Variants in SPON1 observed in about 807,000 individuals in gnomAD.
SPON1 encodes spondin-1.
In SPON1, 52 loss-of-function variants were observed where a neutral mutation model predicts 111.7. The observed-to-expected ratio is 0.47, with a 90% CI of 0.37 to 0.59. The LOEUF is 0.59. Among genes scored for constraint, SPON1 ranks in the 20% least tolerant of loss-of-function variants. SPON1 has a pLI of 0.00. For missense variants in SPON1, 957 were observed against 1,068.5 expected (o/e 0.90, Z 1.46); for synonymous variants, 410 against 395.8 (o/e 1.04, Z -0.43).
chr11:14,072,337 C>G (rs1379568912), intron 3 of SPON1, among the ~76,000 whole-genome samples: 3 of 152,096 alleles, frequency 2.0e-5, no homozygotes, highest in Non-Finnish European at 4.4e-5. Flanking sequence ...TTTTTCATCT[C>G]TAGTCCCCCA....
chr11:14,264,075 A>G (rs1554942187), intron 15 of SPON1, among the ~76,000 whole-genome samples: 1 of 152,106 alleles, frequency 6.6e-6, no homozygotes, highest in African/African-American at 2.4e-5. Context: ...GGCAGCAAGA[A>G]TAGTCATTAC....
Position 14,259,715 on chromosome 11 carries a change from G to A in SPON1, c.1831+14G>A, listed in dbSNP as rs782527574. On this transcript the variant is annotated intron_variant, in intron 13 of 15. Transcript: ENST00000576479. This position sits in a 1 kb window ranked among gnomAD's most constrained non-coding sequence, Gnocchi z 5.0. ...TGCCAGAGTGCCGTGAGTGAGAGCG[G>A]GGGTGGACTTGGAGGAGGCCACTGG... is the stretch of plus-strand genomic sequence containing the variant. 25 of 1,565,710 alleles carry A rather than the reference G, an allele frequency of 1.6e-5. No individual in the cohort carries two copies. Among genetic ancestry groups the A allele is most frequent in the Non-Finnish European group, 2.0e-5 (23 of 1,155,264 alleles).
chr11:14,208,943 A>AT (rs1554936431), intron 6 of SPON1, among the ~76,000 whole-genome samples: 1 of 152,172 alleles, frequency 6.6e-6, no homozygotes, highest in Non-Finnish European at 1.5e-5. Context: ...TCAAAATATC[A>AT]TTTTATATTC....
At chr11:14,160,945 T>TTATATATTTATA (rs1564919794) in intron 6 of SPON1, among the ~76,000 whole-genome samples, 2,262 of 40,192 alleles carry the variant, frequency 0.056, 556 homozygotes, top group Middle Eastern at 0.11. Flanking sequence ...ATATATATAT[T>TTATATATTTATA]TATATATTTA....
chr11:14,104,452 C>T (rs953732709), intron 5 of SPON1, among the ~76,000 whole-genome samples: 1 of 151,758 alleles, frequency 6.6e-6, no homozygotes, highest in Non-Finnish European at 1.5e-5. Flanking sequence ...GATTAGCTGT[C>T]AATTTAAGAT....
intron 6 of SPON1, among the ~76,000 whole-genome samples, chr11:14,226,365 C>T (rs1416456607): frequency 1.3e-5 from 2 of 152,168 alleles, no homozygotes; most frequent in African/African-American, 4.8e-5. Flanking sequence ...TTTTTTAAAA[C>T]ATAATGGGAT....
At chr11:14,253,981 G>A (rs1849079874) in intron 7 of SPON1, among the ~76,000 whole-genome samples, 1 of 152,186 alleles carries the variant, frequency 6.6e-6, no homozygotes, top group African/African-American at 2.4e-5. Context: ...TTGAAGAGCG[G>A]CCTCTGATAG....
intron 6 of SPON1, among the ~76,000 whole-genome samples, chr11:14,160,768 A>ATATT (rs1420099956): frequency 2.1e-5 from 1 of 47,464 alleles, no homozygotes; most frequent in Non-Finnish European, 3.6e-5. Flanking sequence ...ATATTTATAT[A>ATATT]TTTATATATA....
chr11:14,119,112 C>T (rs552385427), intron 5 of SPON1, among the ~76,000 whole-genome samples: 2 of 152,296 alleles, frequency 1.3e-5, no homozygotes, highest in African/African-American at 4.8e-5. Flanking sequence ...GCATCCCTAA[C>T]TGCCTTTTTT....
At chr11:14,147,865 C>T (rs1214217789) in intron 6 of SPON1, among the ~76,000 whole-genome samples, 1 of 150,948 alleles carries the variant, frequency 6.6e-6, no homozygotes, top group Non-Finnish European at 1.5e-5. Context: ...GATCAAAACA[C>T]ATGGACAGGT....
rs184148378 is a variant in SPON1, at chr11:14,177,101, C to T, written c.825+41533C>T. 5.7e-3 allele frequency among the ~76,000 whole-genome samples: 873 copies of T among 152,198 alleles called. 8 individuals are homozygous for T. The highest frequency in any genetic ancestry group is 0.02 in the African/African-American group (813 of 41,526). On this transcript the variant is annotated intron_variant, in intron 6 of 15. Transcript: ENST00000576479. ...TGTCACCCAGGCTGGAGTGCAGTGG[C>T]GCCATCTCAGCTCACTGCAAGCTCC...
At chr11:14,153,931 G>C (rs113090316) in intron 6 of SPON1, among the ~76,000 whole-genome samples, 1 of 152,282 alleles carries the variant, frequency 6.6e-6, no homozygotes, top group East Asian at 1.9e-4. Context: ...ACCCAACAGG[G>C]CAGTCATTAA....
At chr11:13,998,882 T>A (rs1404962999) in intron 2 of SPON1, among the ~76,000 whole-genome samples, 1 of 152,236 alleles carries the variant, frequency 6.6e-6, no homozygotes, top group African/African-American at 2.4e-5. Context: ...ACTTCTTTAA[T>A]AGACAATACA....
At chr11:14,244,388 C>T (rs1404167650) in intron 7 of SPON1, among the ~76,000 whole-genome samples, 1 of 151,908 alleles carries the variant, frequency 6.6e-6, no homozygotes, top group Non-Finnish European at 1.5e-5. Flanking sequence ...TGTGGTGGCA[C>T]GTGTCTGTAA....
chr11:14,074,259 T>C (rs1170828960), intron 3 of SPON1, among the ~76,000 whole-genome samples: 2 of 152,232 alleles, frequency 1.3e-5, no homozygotes, highest in African/African-American at 4.8e-5. Flanking sequence ...GTCAGAATTG[T>C]ATTATTTTGT....
At chr11:14,208,519 A>C (rs1848539886) in intron 6 of SPON1, among the ~76,000 whole-genome samples, 1 of 152,132 alleles carries the variant, frequency 6.6e-6, no homozygotes, top group Non-Finnish European at 1.5e-5. Flanking sequence ...GATCACTTCC[A>C]TTGTTATTTC....
At chr11:14,187,825 GC>G (rs1848303246) in intron 6 of SPON1, among the ~76,000 whole-genome samples, 1 of 151,390 alleles carries the variant, frequency 6.6e-6, no homozygotes, top group Non-Finnish European at 1.5e-5. Context: ...TGTTGCCCAG[GC>G]CTGGAGTGTA....
chr11:13,968,032 C>T (rs1848032663), intron 1 of SPON1, among the ~76,000 whole-genome samples: 1 of 152,218 alleles, frequency 6.6e-6, no homozygotes, highest in Non-Finnish European at 1.5e-5. Flanking sequence ...CTGACTCTTT[C>T]AGTTGCATCA....
At chr11:13,967,143 A>G (rs1385933962) in intron 1 of SPON1, among the ~76,000 whole-genome samples, 1 of 152,208 alleles carries the variant, frequency 6.6e-6, no homozygotes, top group Non-Finnish European at 1.5e-5. Flanking sequence ...TAATCAGCAG[A>G]ATCAGGATAC....
Sources: allele counts gnomAD v4.1 joint callset (sites outside exome capture counted in the v4.1 genomes callset), GRCh38; gene constraint gnomAD v4.1.1; non-coding constraint Gnocchi (gnomAD v3.1); transcripts MANE v1.5; gene names NCBI Gene and HGNC (gene_info 2026-07-23, HGNC 2026-07-21).